GPC5: variants seen among roughly 807,000 people sequenced by gnomAD.
GPC5 encodes the protein glypican 5.
GPC5 carries 47 observed loss-of-function variants against 53.9 expected under a neutral mutation model. The observed-to-expected ratio is 0.87, with a 90% CI of 0.69 to 1.11. The LOEUF is 1.11. GPC5 is among the 50% of genes most tolerant of loss of function. The probability of loss-of-function intolerance (pLI) is 0.00; values close to 1 mark genes in which losing one functional copy is unlikely to be tolerated. For missense variants in GPC5, 748 were observed against 713.1 expected (o/e 1.05, Z -0.56); for synonymous variants, 286 against 263.3 (o/e 1.09, Z -0.84).
At chr13:92,329,085 C>T (rs534031919) in intron 7 of GPC5, among the ~76,000 whole-genome samples, 1 of 152,180 alleles carries the variant, frequency 6.6e-6, no homozygotes, top group African/African-American at 2.4e-5. Flanking sequence ...TAAGTGAGTA[C>T]AGTATTCTAG....
chr13:91,482,301 G>A (rs1721791366), intron 2 of GPC5, among the ~76,000 whole-genome samples: 1 of 152,074 alleles, frequency 6.6e-6, no homozygotes, highest in Non-Finnish European at 1.5e-5. Flanking sequence ...AGTGTTCAAG[G>A]TACCATCTTG....
intron 7 of GPC5, among the ~76,000 whole-genome samples, chr13:92,277,199 A>C (rs941526007): frequency 1.3e-5 from 2 of 151,990 alleles, no homozygotes; most frequent in African/African-American, 4.8e-5. Context: ...GATTGTAGGG[A>C]ATTGACACCC....
chr13:91,853,387 A>AT (rs1396522653), intron 5 of GPC5, among the ~76,000 whole-genome samples: 2 of 152,010 alleles, frequency 1.3e-5, no homozygotes, highest in South Asian at 4.1e-4. Context: ...CAGAAGGGTA[A>AT]TTTTTTTAAA....
At chr13:91,714,889 A>G (rs1164281555) in intron 3 of GPC5, among the ~76,000 whole-genome samples, 1 of 152,196 alleles carries the variant, frequency 6.6e-6, no homozygotes, top group Non-Finnish European at 1.5e-5. Flanking sequence ...TTGAAGCAGC[A>G]GTGTTCCAGG....
chr13:92,140,069 G>T (rs2041819021), intron 6 of GPC5, among the ~76,000 whole-genome samples: 1 of 152,148 alleles, frequency 6.6e-6, no homozygotes, highest in African/African-American at 2.4e-5. Context: ...AATTATCACA[G>T]AAATATGTGC....
At chr13:92,017,717 G>A (rs2040719193) in intron 6 of GPC5, among the ~76,000 whole-genome samples, 1 of 151,862 alleles carries the variant, frequency 6.6e-6, no homozygotes, top group South Asian at 2.1e-4. Context: ...ATGTGCACAA[G>A]TACACACACA....
rs189218310 is a variant in GPC5 at position 92,191,987 on chromosome 13, A to G, written c.1561+46998A>G. Among the ~76,000 whole-genome samples, 22 of 152,326 alleles carry G rather than the reference A, an allele frequency of 1.4e-4. No individual in the cohort carries two copies. In the East Asian group the frequency reaches 4.0e-3, roughly 28 times the overall value. On this transcript the variant is annotated intron_variant, in intron 7 of 7. Transcript: ENST00000377067. ...CAGTAAAATCAAGAAATTACAAATC[A>G]AACCATTGTAAATTAGGGACTGTCT...
intron 7 of GPC5, among the ~76,000 whole-genome samples, chr13:92,275,485 C>T (rs1319479751): frequency 6.6e-6 from 1 of 152,056 alleles, no homozygotes; most frequent in African/African-American, 2.4e-5. Context: ...AAAAAATAAA[C>T]AAGATAATAT....
intron 6 of GPC5, among the ~76,000 whole-genome samples, chr13:92,013,754 A>C (rs957078645): frequency 1.3e-5 from 2 of 152,164 alleles, no homozygotes; most frequent in African/African-American, 2.4e-5. Flanking sequence ...ATTCCAAGCC[A>C]TATAATTTTT....
chr13:92,025,213 A>C (rs1298006073), intron 6 of GPC5, among the ~76,000 whole-genome samples: 3 of 152,154 alleles, frequency 2.0e-5, no homozygotes, highest in East Asian at 1.9e-4. Flanking sequence ...AGTAAATTCT[A>C]GTTAAGATTC....
In GPC5 at chr13:92,094,790, T is replaced by G. The variant is rs115525340; in HGVS notation, c.1402-50040T>G. On this transcript the variant is annotated intron_variant, in intron 6 of 7. Coordinates refer to ENST00000377067, the MANE Select transcript of GPC5 (RefSeq NM_004466.6). ...TGCTGTTTCAAATTCTGTTATTTTA[T>G]TCCAATTCTTTTGTTCACATATTGC... Among the ~76,000 whole-genome samples, 1,493 of 151,858 alleles carry G rather than the reference T, an allele frequency of 9.8e-3. 32 individuals carry two copies. The highest frequency in any genetic ancestry group is 0.034 in the African/African-American group (1,413 of 41,340).
intron 7 of GPC5, among the ~76,000 whole-genome samples, chr13:92,726,637 G>C (rs998214924): frequency 1.3e-5 from 2 of 151,626 alleles, no homozygotes; most frequent in South Asian, 2.1e-4. Context: ...TCACTTTCTT[G>C]ATAGGTGATC....
At chr13:92,025,697 G>T (rs920410804) in intron 6 of GPC5, among the ~76,000 whole-genome samples, 5 of 152,042 alleles carry the variant, frequency 3.3e-5, no homozygotes, top group African/African-American at 9.7e-5. Context: ...CATCGTCTTT[G>T]GTGTAGTATA....
At chr13:92,269,403 T>C (rs1310580832) in intron 7 of GPC5, among the ~76,000 whole-genome samples, 1 of 150,942 alleles carries the variant, frequency 6.6e-6, no homozygotes, top group Non-Finnish European at 1.5e-5. Flanking sequence ...TTCCTTTTTT[T>C]TGTTTTGTTT....
intron 7 of GPC5, among the ~76,000 whole-genome samples, chr13:92,169,815 C>G (rs2139019532): frequency 6.6e-6 from 1 of 152,140 alleles, no homozygotes; most frequent in Non-Finnish European, 1.5e-5. Context: ...AATTAAAAAA[C>G]CTGTCCTTAC....
chr13:92,764,986 A>G (rs1217205815), intron 7 of GPC5, among the ~76,000 whole-genome samples: 1 of 152,200 alleles, frequency 6.6e-6, no homozygotes, highest in African/African-American at 2.4e-5. Context: ...GTGAAATATA[A>G]TTGCAAAAAT....
chr13:91,530,388 A>G (rs902233206), intron 2 of GPC5, among the ~76,000 whole-genome samples: 2 of 152,218 alleles, frequency 1.3e-5, no homozygotes, highest in Admixed American at 6.5e-5. Flanking sequence ...AGCAGATGCT[A>G]TAATAAATCA....
intron 7 of GPC5, among the ~76,000 whole-genome samples, chr13:92,844,839 T>C (rs1878558786): frequency 6.6e-6 from 1 of 152,144 alleles, no homozygotes; most frequent in African/African-American, 2.4e-5. Flanking sequence ...TTTATACCAG[T>C]AAATGTGCAA....
intron 6 of GPC5, among the ~76,000 whole-genome samples, chr13:92,025,434 C>T (rs2040793263): frequency 6.6e-6 from 1 of 152,094 alleles, no homozygotes; most frequent in South Asian, 2.1e-4. Context: ...AGTTTTCTTC[C>T]CTTCACTTCC....
Sources: allele counts gnomAD v4.1 joint callset (sites outside exome capture counted in the v4.1 genomes callset), GRCh38; gene constraint gnomAD v4.1.1; transcripts MANE v1.5; gene names NCBI Gene and HGNC (gene_info 2026-07-23, HGNC 2026-07-21).